IRX4: variants seen among roughly 807,000 people sequenced by gnomAD.
IRX4 encodes iroquois-class homeodomain protein IRX-4.
IRX4 carries 22 observed loss-of-function variants against 32.0 expected under a neutral mutation model. That is an observed-to-expected ratio of 0.69 (90% CI 0.49 to 0.98). The LOEUF (loss-of-function observed/expected upper bound fraction) is 0.98, where lower values mean the gene tolerates loss of function less well. Among genes scored for constraint, IRX4 ranks in the 50% least tolerant of loss-of-function variants. The pLI, the probability that IRX4 is intolerant of heterozygous loss-of-function variation, is 0.00. For synonymous variants in IRX4, 379 were observed against 351.7 expected (o/e 1.08, Z -0.87); for missense variants, 840 against 744.2 (o/e 1.13, Z -1.50).
Position 1,882,005 on chromosome 5 carries a change from G to A in IRX4, c.100C>T (p.Leu34=). 1 of 1,548,322 alleles carries A rather than the reference G, an allele frequency of 6.5e-7. No homozygotes were observed. The highest frequency in any genetic ancestry group is 1.4e-5 in the African/African-American group (1 of 72,982). The change falls in exon 2 of 5, where the codon CTG becomes TTG. Residue 34 remains leucine, a synonymous_variant. Coordinates refer to ENST00000231357, the MANE Select transcript of IRX4 (RefSeq NM_016358.3). ...GAGGCGGCGGGCCCGGAGTCCGCCA[G>A]CGTGCGGCCTCCGGACTCGCAGCAC... The part of the protein sequence containing the change: ...STCCESGGRT[L]ADSGPAASAQ...
upstream of IRX4, among the ~76,000 whole-genome samples, chr5:1,886,336 G>T (rs533494081): frequency 2.6e-5 from 4 of 152,366 alleles, no homozygotes; most frequent in Non-Finnish European, 4.4e-5. Flanking sequence ...GGGGCACCAG[G>T]CAAGGGCCTT....
At chr5:1,880,159 G>A in intron 3 of IRX4, 1 of 1,530,908 alleles carries the variant, frequency 6.5e-7, no homozygotes, top group Non-Finnish European at 8.8e-7. Flanking sequence ...ACCATAAAAA[G>A]GTATAGACAG....
At position 1,882,726 on chromosome 5, in the gene IRX4, C is replaced by A; in HGVS notation, c.-79G>T. On this transcript the variant is annotated 5_prime_UTR_variant, in exon 1 of 5. It introduces an in-frame stop codon into an upstream open reading frame of the 5' UTR. Coordinates refer to ENST00000231357, the MANE Select transcript of IRX4 (RefSeq NM_016358.3). ...GGCCGGCGTGGCGCGGCCACTGCTC[C>A]GGAGCTGCAGGCTTCTAGGCGCTGG... is the stretch of plus-strand genomic sequence containing the variant. 1.1e-6 allele frequency: 1 copy of A among 937,454 alleles called. No individual in the cohort carries two copies. The highest frequency in any genetic ancestry group is 1.5e-6 in the Non-Finnish European group (1 of 682,156). 58.1% of individuals were successfully genotyped at this position (937,454 alleles called of 1,614,324 possible). A position where few individuals can be genotyped will look rare whatever the true frequency, so the allele number is the denominator to read the frequency against.
At position 1,881,881 on chromosome 5, in the gene IRX4, C is replaced by T. The variant is rs1263768063; in HGVS notation, c.224G>A (p.Gly75Asp). ...ATAGCCCTGCGATCCGCCATAGGGA[C>T]CCCCATAGACGCCCAGCGCCGCGGC... ...NSAAALGVYG[G>D]PYGGSQGYGN... is the part of the protein sequence containing the mutation. The change falls in exon 2 of 5, where the codon GGT (glycine) becomes GAT (aspartate). Residue 75 changes from glycine (G) to aspartate (D), a missense_variant. Gly to Asp is a moderately conservative substitution (Grantham distance 94, BLOSUM62 -1). This residue lies in a region of IRX4 where 241 missense variants were observed against 220.8 expected (regional missense o/e 1.09). Coordinates refer to ENST00000231357, the MANE Select transcript of IRX4 (RefSeq NM_016358.3). The T allele has an allele frequency of 2.5e-6, 4 of 1,585,776 alleles. No individual in the cohort carries two copies. The highest frequency in any genetic ancestry group is 1.8e-5 in the Admixed American group (1 of 57,116).
intron 4 of IRX4, 59 bp from the exon 5 acceptor site, chr5:1,878,851 CT>C: frequency 2.6e-6 from 4 of 1,554,400 alleles, no homozygotes; most frequent in South Asian, 1.1e-5. Flanking sequence ...ATCAGACCCC[CT>C]GTCCCCGTCC....
upstream of IRX4, chr5:1,884,646 T>C (rs1579257986): frequency 6.6e-6 from 1 of 152,354 alleles, no homozygotes; most frequent in East Asian, 1.9e-4. Flanking sequence ...TCAAATGACA[T>C]TAATAATTGT....
At chr5:1,880,921 G>T in intron 2 of IRX4, 87 bp from the exon 3 acceptor site, 1 of 1,019,470 alleles carries the variant, frequency 9.8e-7, no homozygotes, top group Non-Finnish European at 1.6e-6. Context: ...ACTCCCAAAG[G>T]CTTGGCAAGG....
chr5:1,880,158 AG>A (rs1423912051), intron 3 of IRX4: 26 of 1,530,900 alleles, frequency 1.7e-5, no homozygotes, highest in Non-Finnish European at 2.3e-5. Flanking sequence ...AACCATAAAA[AG>A]GTATAGACAG....
chr5:1,880,685 C>T, intron 3 of IRX4, 40 bp downstream of exon 3: 2 of 1,365,648 alleles, frequency 1.5e-6, no homozygotes, highest in East Asian at 2.3e-5. Flanking sequence ...GTGCAGAGGG[C>T]CCGTGGGGCT....
At chr5:1,885,521 C>T (rs779985260), upstream of IRX4, among the ~76,000 whole-genome samples, 3 of 152,184 alleles carry the variant, frequency 2.0e-5, no homozygotes, top group Non-Finnish European at 4.4e-5. Context: ...CCAGCAGGCC[C>T]CAGCGCCTGG....
At chr5:1,885,766 G>C (rs1235636732), upstream of IRX4, among the ~76,000 whole-genome samples, 1 of 152,222 alleles carries the variant, frequency 6.6e-6, no homozygotes, top group Non-Finnish European at 1.5e-5. Flanking sequence ...GATAATACTG[G>C]AATATTTTCC....
rs764889413 is a variant in IRX4 at position 1,878,667 on chromosome 5, G to T, written c.862C>A (p.Arg288Ser). 1 of 1,578,336 alleles carries T rather than the reference G, an allele frequency of 6.3e-7. No homozygotes were observed. The highest frequency in any genetic ancestry group is 2.4e-5 in the East Asian group (1 of 41,958). ...PFHSLDGGLE[R>S]VPAAPDGPVK... ...GGGCCGTCGGGCGCGGCGGGGACGCGCTCCAGACCGCCGTCCAGGGAGTGG... is the reference window on the plus strand; with the variant it reads ...GGGCCGTCGGGCGCGGCGGGGACGCTCTCCAGACCGCCGTCCAGGGAGTGG... Residue 288 changes from arginine to serine, a missense_variant, in exon 5 of 5, where the codon CGC becomes AGC. Transcript: ENST00000231357.
upstream of IRX4, among the ~76,000 whole-genome samples, chr5:1,885,614 G>A (rs1735604542): frequency 6.6e-6 from 1 of 152,150 alleles, no homozygotes; most frequent in African/African-American, 2.4e-5. Flanking sequence ...GCCTCACCCA[G>A]GCCCCACTAC....
Position 1,878,658 on chromosome 5 carries a change from C to T in IRX4, c.871G>A (p.Ala291Thr). The part of the protein sequence containing the change: ...SLDGGLERVP[A>T]APDGPVKEAS... ...TCCTTGACCGGGCCGTCGGGCGCGGCGGGGACGCGCTCCAGACCGCCGTCC... is the reference window on the plus strand; with the variant it reads ...TCCTTGACCGGGCCGTCGGGCGCGGTGGGGACGCGCTCCAGACCGCCGTCC... Residue 291 changes from alanine to threonine, a missense_variant, in exon 5 of 5, where the codon GCC becomes ACC. Physicochemically the swap from Ala to Thr is moderately conservative, Grantham distance 58. Transcript: ENST00000231357. 6.4e-7 allele frequency: 1 copy of T among 1,573,030 alleles called. No individual in the cohort carries two copies. The highest frequency in any genetic ancestry group is 1.7e-4 in the Middle Eastern group (1 of 5,918).
At chr5:1,884,988 G>A (rs563369084), upstream of IRX4, among the ~76,000 whole-genome samples, 9 of 147,548 alleles carry the variant, frequency 6.1e-5, no homozygotes, top group African/African-American at 2.3e-4. Context: ...CCGGGCCAAG[G>A]GCTGGGATGG....
chr5:1,879,375 C>A, intron 4 of IRX4, 129 bp downstream of exon 4: 2 of 1,443,570 alleles, frequency 1.4e-6, no homozygotes, highest in Non-Finnish European at 9.4e-7. Context: ...GAGGCAGAAC[C>A]GGTTTGCACG....
At chr5:1,885,838 A>G (rs1055600276), upstream of IRX4, among the ~76,000 whole-genome samples, 12 of 152,258 alleles carry the variant, frequency 7.9e-5, no homozygotes, top group African/African-American at 2.9e-4. Context: ...TTCACCAACG[A>G]TAGGACGCTC....
At chr5:1,881,398 G>A (rs1735432380) in intron 2 of IRX4, among the ~76,000 whole-genome samples, 1 of 149,800 alleles carries the variant, frequency 6.7e-6, no homozygotes, top group Admixed American at 6.6e-5. Flanking sequence ...GAGGGAGGAA[G>A]AGGGAGATAG....
chr5:1,881,890 A>G lies in IRX4; in HGVS notation c.215T>C (p.Val72Ala), dbSNP rs1438162101. Reference sequence around the variant, plus strand: ...CGATCCGCCATAGGGACCCCCATAGACGCCCAGCGCCGCGGCCGAGTTGAG... The same window carrying G: ...CGATCCGCCATAGGGACCCCCATAGGCGCCCAGCGCCGCGGCCGAGTTGAG... ...HELNSAAALG[V>A]YGGPYGGSQG... Residue 72 changes from valine (V) to alanine (A), a missense_variant, in exon 2 of 5, where the codon GTC (valine) becomes GCC (alanine). By Grantham distance (64) the Val-to-Ala change is moderately conservative. This residue lies in a region of IRX4 where 241 missense variants were observed against 220.8 expected (regional missense o/e 1.09). Coordinates refer to ENST00000231357, the MANE Select transcript of IRX4 (RefSeq NM_016358.3). 6 of 1,585,328 alleles carry G rather than the reference A, an allele frequency of 3.8e-6. No individual in the cohort carries two copies. The highest frequency in any genetic ancestry group is 5.1e-6 in the Non-Finnish European group (6 of 1,166,604).
Sources: gnomAD v4.1 joint callset for allele counts (sites outside exome capture counted in the v4.1 genomes callset) on GRCh38, gnomAD v4.1.1 for gene constraint, gnomAD v4.1.1 regional missense constraint, MANE v1.5 for transcripts, NCBI Gene and HGNC (gene_info 2026-07-23, HGNC 2026-07-21) for gene names.